PPFIA2: variants seen among roughly 807,000 people sequenced by gnomAD.
PPFIA2 encodes liprin-alpha-2.
Under a neutral mutation model 175.5 loss-of-function variants are expected in PPFIA2, and 46 were observed. The ratio of observed to expected loss-of-function variants is 0.26; its 90% CI spans 0.21 to 0.34. PPFIA2 has a LOEUF of 0.34. Ranked by LOEUF, PPFIA2 falls within the 10% of genes least tolerant of loss-of-function variation. The pLI, the probability that PPFIA2 is intolerant of heterozygous loss-of-function variation, is 1.00. For synonymous variants in PPFIA2, 568 were observed against 511.4 expected (o/e 1.11, Z -1.49); for missense variants, 1,179 against 1,506.1 (o/e 0.78, Z 3.60).
intron 4 of PPFIA2, among the ~76,000 whole-genome samples, chr12:81,502,551 A>G (rs2060696288): frequency 6.6e-6 from 1 of 152,186 alleles, no homozygotes; most frequent in Non-Finnish European, 1.5e-5. Flanking sequence ...TAAGGGAAAC[A>G]TGTAGTGGGA....
At chr12:81,693,331 T>C (rs1028095000) in intron 3 of PPFIA2, among the ~76,000 whole-genome samples, 1 of 152,004 alleles carries the variant, frequency 6.6e-6, no homozygotes, top group Non-Finnish European at 1.5e-5. Flanking sequence ...CTCGGTGATG[T>C]CTTGGTAATA....
At chr12:81,583,365 T>C (rs531196146) in intron 4 of PPFIA2, among the ~76,000 whole-genome samples, 13 of 151,828 alleles carry the variant, frequency 8.6e-5, no homozygotes, top group Admixed American at 4.0e-4. Flanking sequence ...CTTTTTTTTT[T>C]CTAAGAAAAT....
At chr12:81,716,020 AAATT>A (rs766328821) in intron 3 of PPFIA2, among the ~76,000 whole-genome samples, 3 of 151,706 alleles carry the variant, frequency 2.0e-5, no homozygotes, top group Non-Finnish European at 3.0e-5. Flanking sequence ...TTGAGTAAAT[AAATT>A]AATAACATGT....
chr12:81,609,907 G>T (rs1188564947), intron 4 of PPFIA2, among the ~76,000 whole-genome samples: 2 of 152,108 alleles, frequency 1.3e-5, no homozygotes, highest in Non-Finnish European at 2.9e-5. Context: ...GTGGTAGCAG[G>T]TTTTGTTCTT....
chr12:81,664,238 C>T (rs1373514859), intron 4 of PPFIA2, among the ~76,000 whole-genome samples: 1 of 152,124 alleles, frequency 6.6e-6, no homozygotes, highest in Non-Finnish European at 1.5e-5. Context: ...AAACTACCAT[C>T]AGAGTGAACA....
intron 7 of PPFIA2, among the ~76,000 whole-genome samples, chr12:81,410,700 A>G (rs2043781126): frequency 1.3e-5 from 2 of 152,002 alleles, no homozygotes; most frequent in African/African-American, 2.4e-5. Flanking sequence ...GAGACTGTCA[A>G]TGAAGGAACC....
intron 8 of PPFIA2, among the ~76,000 whole-genome samples, chr12:81,392,778 T>G (rs2142307762): frequency 6.6e-6 from 1 of 152,080 alleles, no homozygotes; most frequent in South Asian, 2.1e-4. Flanking sequence ...AACGTGCTTC[T>G]CCCCCAAATA....
chr12:81,630,604 G>C (rs1455414323), intron 4 of PPFIA2, among the ~76,000 whole-genome samples: 4 of 152,004 alleles, frequency 2.6e-5, no homozygotes, highest in Non-Finnish European at 5.9e-5. Context: ...AAGCCTAATA[G>C]TCTTGTCCTG....
At chr12:81,622,592 A>T (rs1300610699) in intron 4 of PPFIA2, among the ~76,000 whole-genome samples, 1 of 152,156 alleles carries the variant, frequency 6.6e-6, no homozygotes, top group East Asian at 1.9e-4. Flanking sequence ...AAGCATCTGG[A>T]CATATCCCTA....
intron 11 of PPFIA2, among the ~76,000 whole-genome samples, chr12:81,372,757 T>C (rs2035481283): frequency 2.0e-5 from 3 of 151,590 alleles, no homozygotes; most frequent in Admixed American, 1.3e-4. Context: ...ATTTAAAATA[T>C]GTTGTTGACA....
At chr12:81,662,198 T>C (rs1175821243) in intron 4 of PPFIA2, among the ~76,000 whole-genome samples, 2 of 151,758 alleles carry the variant, frequency 1.3e-5, no homozygotes, top group African/African-American at 4.8e-5. Context: ...ATAACTAAGA[T>C]AAGAGCAGAA....
intron 18 of PPFIA2, 127 bp from the exon 19 acceptor site, chr12:81,344,820 TA>T (rs2058757079): frequency 1.5e-6 from 1 of 675,760 alleles, no homozygotes; most frequent in Non-Finnish European, 2.4e-6. Context: ...TGTTATTTTC[TA>T]AATAAACATA....
intron 4 of PPFIA2, chr12:81,598,206 A>G: frequency 1.5e-6 from 2 of 1,360,664 alleles, no homozygotes; most frequent in Non-Finnish European, 9.4e-7. Flanking sequence ...TACATTTGAA[A>G]TCTTAGCTGA....
intron 4 of PPFIA2, among the ~76,000 whole-genome samples, chr12:81,562,818 G>A (rs1490714189): frequency 8.8e-6 from 1 of 113,776 alleles, no homozygotes; most frequent in Non-Finnish European, 1.6e-5. Flanking sequence ...CTGCACTCCA[G>A]CCTGGGCGAC....
At chr12:81,434,085 T>TAAAAA (rs533364062) in intron 7 of PPFIA2, among the ~76,000 whole-genome samples, 3 of 150,840 alleles carry the variant, frequency 2.0e-5, no homozygotes, top group Admixed American at 2.0e-4. Flanking sequence ...TTGCCTTCTT[T>TAAAAA]AAAAAAAAAT....
At chr12:81,646,288 T>A (rs2066058423) in intron 4 of PPFIA2, among the ~76,000 whole-genome samples, 1 of 151,838 alleles carries the variant, frequency 6.6e-6, no homozygotes, top group African/African-American at 2.4e-5. Context: ...AAGGCAGAGG[T>A]CAGCTGTCTT....
At chr12:81,650,498 G>A (rs1195719419) in intron 4 of PPFIA2, among the ~76,000 whole-genome samples, 1 of 151,820 alleles carries the variant, frequency 6.6e-6, no homozygotes, top group Non-Finnish European at 1.5e-5. Flanking sequence ...ATGCATAAGA[G>A]CAAATCTACC....
In PPFIA2 at chr12:81,547,524, C is replaced by T. The variant is rs112885215; in HGVS notation, c.304-89658G>A. 6.5e-3 allele frequency among the ~76,000 whole-genome samples: 982 copies of T among 152,156 alleles called. 37 individuals are homozygous for T. The East Asian group carries it at 0.095, about 15-fold the overall frequency. On this transcript the variant is annotated intron_variant, in intron 4 of 32. Coordinates refer to ENST00000549396, the MANE Select transcript of PPFIA2 (RefSeq NM_003625.5). The stretch of plus-strand genomic sequence containing the variant: ...CTGAGTAGCTGGGATTACAGGCATG[C>T]GCCACTACACCTGCCTAATTTTGTA...
At chr12:81,674,792 T>G (rs2072146029) in intron 4 of PPFIA2, among the ~76,000 whole-genome samples, 1 of 152,044 alleles carries the variant, frequency 6.6e-6, no homozygotes, top group South Asian at 2.1e-4. Flanking sequence ...ATAGCTTCAT[T>G]CATTGCTTTA....
Sources: gnomAD v4.1 joint callset for allele counts (sites outside exome capture counted in the v4.1 genomes callset) on GRCh38, gnomAD v4.1.1 for gene constraint, MANE v1.5 for transcripts, NCBI Gene and HGNC (gene_info 2026-07-23, HGNC 2026-07-21) for gene names.